The following DNAH7 variants were observed in gnomAD, a reference collection of about 807,000 sequenced individuals.
DNAH7 encodes the protein axonemal beta dynein heavy chain 7.
A neutral mutation model predicts 444.6 loss-of-function variants in DNAH7; 397 were observed. The observed-to-expected ratio is 0.89, with a 90% CI of 0.82 to 0.97. The LOEUF is 0.97. Among genes scored for constraint, DNAH7 ranks in the 50% least tolerant of loss-of-function variants. The pLI, the probability that DNAH7 is intolerant of heterozygous loss-of-function variation, is 0.00. For synonymous variants in DNAH7, 1,636 were observed against 1,624.4 expected (o/e 1.01, Z -0.17); for missense variants, 4,902 against 4,800.8 (o/e 1.02, Z -0.62).
intron 16 of DNAH7, among the ~76,000 whole-genome samples, chr2:195,970,680 G>A (rs986538830): frequency 6.6e-6 from 1 of 152,134 alleles, no homozygotes; most frequent in Non-Finnish European, 1.5e-5. Flanking sequence ...AGATAGGTAT[G>A]TATGTTTTAA....
chr2:195,879,812 A>C (rs1474685401), intron 36 of DNAH7, among the ~76,000 whole-genome samples: 1 of 152,190 alleles, frequency 6.6e-6, no homozygotes, highest in Non-Finnish European at 1.5e-5. Context: ...AGAAATAGCT[A>C]TAATGAATAT....
chr2:195,838,054 A>C (rs1170457066), intron 47 of DNAH7, among the ~76,000 whole-genome samples: 1 of 152,224 alleles, frequency 6.6e-6, no homozygotes, highest in Admixed American at 6.5e-5. Context: ...GAAGCATATC[A>C]GAGGCTTTAA....
At chr2:195,765,799 C>T (rs1285365649) in intron 61 of DNAH7, among the ~76,000 whole-genome samples, 1 of 152,074 alleles carries the variant, frequency 6.6e-6, no homozygotes, top group African/African-American at 2.4e-5. Context: ...TTAGTACAAC[C>T]ACTGTGGAGA....
chr2:196,040,321 A>G (rs1362970319), intron 5 of DNAH7, among the ~76,000 whole-genome samples: 2 of 152,134 alleles, frequency 1.3e-5, no homozygotes, highest in Non-Finnish European at 2.9e-5. Flanking sequence ...AAAAATCCTC[A>G]CCAAAATACC....
At chr2:195,981,750 T>C (rs1004527832) in intron 15 of DNAH7, among the ~76,000 whole-genome samples, 7 of 152,184 alleles carry the variant, frequency 4.6e-5, no homozygotes, top group African/African-American at 1.4e-4. Flanking sequence ...CTGGGCAAAC[T>C]GGATATTCAT....
chr2:195,798,476 A>T (rs1696272572), intron 55 of DNAH7, among the ~76,000 whole-genome samples: 1 of 152,134 alleles, frequency 6.6e-6, no homozygotes. Flanking sequence ...ATATGATGTA[A>T]GAACATTTGT....
intron 44 of DNAH7, among the ~76,000 whole-genome samples, 183 bp from the exon 45 acceptor site, chr2:195,856,174 GA>G (rs1699691929): frequency 1.3e-5 from 2 of 152,158 alleles, no homozygotes; most frequent in South Asian, 4.1e-4. Context: ...CTGGACACAA[GA>G]AATGGCCTTT....
At chr2:196,050,464 T>C (rs2125860191) in intron 3 of DNAH7, among the ~76,000 whole-genome samples, 1 of 152,322 alleles carries the variant, frequency 6.6e-6, no homozygotes, top group Non-Finnish European at 1.5e-5. Flanking sequence ...TGTCACTGAA[T>C]ACTTAAAAAT....
chr2:195,958,976 G>A (rs148131252), intron 18 of DNAH7, among the ~76,000 whole-genome samples: 65 of 152,254 alleles, frequency 4.3e-4, no homozygotes, highest in African/African-American at 1.5e-3. Context: ...TAGCAACTTC[G>A]TTTGAATCCA....
At chr2:196,033,958 C>G (rs1417178552) in intron 5 of DNAH7, among the ~76,000 whole-genome samples, 1 of 152,174 alleles carries the variant, frequency 6.6e-6, no homozygotes, top group South Asian at 2.1e-4. Context: ...AAACCTACAA[C>G]TAACATTTCA....
intron 48 of DNAH7, among the ~76,000 whole-genome samples, chr2:195,825,993 A>G (rs1266615598): frequency 6.6e-6 from 1 of 152,238 alleles, no homozygotes; most frequent in African/African-American, 2.4e-5. Flanking sequence ...CTTGCATAAA[A>G]TGATTATTTT....
chr2:195,901,711 G>C (rs1002696671), intron 27 of DNAH7: 11 of 152,028 alleles, frequency 7.2e-5, no homozygotes, highest in Non-Finnish European at 1.6e-4. Flanking sequence ...TATCCATTTT[G>C]AGATATTTTT....
rs148413817 is a variant in DNAH7 at position 195,924,060 on chromosome 2, C to A, written c.3613-253G>T. Among the ~76,000 whole-genome samples the A allele has an allele frequency of 2.3e-4, 35 of 152,200 alleles. No individual in the cohort carries two copies. The East Asian group carries it at 6.0e-3, about 26-fold the overall frequency. On this transcript the variant is annotated intron_variant, in intron 22 of 64. Transcript: ENST00000312428. ...TTTCCTTTTCTATTTCTTCTCTATT[C>A]TCTGTGGTTTTGTTGGAGCTGTCAA...
At chr2:195,882,680 A>C (rs1445484528) in intron 35 of DNAH7, among the ~76,000 whole-genome samples, 1 of 152,236 alleles carries the variant, frequency 6.6e-6, no homozygotes, top group African/African-American at 2.4e-5. Flanking sequence ...GTTTATAACA[A>C]AAACATTCAA....
Position 195,861,731 on chromosome 2 carries a change from T to C in DNAH7, c.7722A>G (p.Leu2574=). ...LELISTFKLL[L]EKKRSEVMKM... ...TTGATTTTTACCTTCTTTTCTTTTC[T>C]AACAACAGTTTGAAGGTGGAGATTA... The change falls in exon 42 of 65, where the codon TTA becomes TTG. Residue 2574 remains leucine (L), a synonymous_variant. Coordinates refer to ENST00000312428, the MANE Select transcript of DNAH7 (RefSeq NM_018897.3). The C allele has an allele frequency of 6.2e-7, 1 of 1,609,416 alleles. No homozygotes were observed. Among genetic ancestry groups the C allele is most frequent in the South Asian group, 1.1e-5 (1 of 90,242 alleles).
Position 195,972,308 on chromosome 2 carries a change from T to C in DNAH7, c.1992A>G (p.Gly664=), listed in dbSNP as rs757935705. The change falls in exon 16 of 65, where the codon GGA becomes GGG. Residue 664 remains glycine, a synonymous_variant. Coordinates refer to ENST00000312428, the MANE Select transcript of DNAH7 (RefSeq NM_018897.3). ...NSVFQWYGRM[G]EIFEEHRKII... ...TTTTCCTGTGTTCTTCAAAAATTTC[T>C]CCCATCCTTCCATACCACTGGAAAA... 1.2e-6 allele frequency: 2 copies of C among 1,614,162 alleles called. No homozygotes were observed. Among genetic ancestry groups the C allele is most frequent in the East Asian group, 2.2e-5 (1 of 44,878 alleles).
chr2:195,901,229 C>T (rs1686685972), intron 27 of DNAH7: 2 of 151,870 alleles, frequency 1.3e-5, no homozygotes, highest in African/African-American at 4.8e-5. Context: ...TATTGTTACA[C>T]GATGTATATG....
intron 58 of DNAH7, 65 bp downstream of exon 58, chr2:195,786,945 A>G: frequency 1.4e-6 from 2 of 1,469,706 alleles, no homozygotes; most frequent in African/African-American, 2.8e-5. Context: ...CCCACTTACT[A>G]TAACACACTT....
intron 19 of DNAH7, among the ~76,000 whole-genome samples, chr2:195,955,390 GT>G (rs1690577554): frequency 6.6e-6 from 1 of 152,108 alleles, no homozygotes; most frequent in African/African-American, 2.4e-5. Context: ...CTATATCTCT[GT>G]TTTGGTACCA....
Sources: allele counts gnomAD v4.1 joint callset (sites outside exome capture counted in the v4.1 genomes callset), GRCh38; gene constraint gnomAD v4.1.1; transcripts MANE v1.5; gene names NCBI Gene and HGNC (gene_info 2026-07-23, HGNC 2026-07-21).